Variants in ZNF438 observed in about 807,000 individuals in gnomAD.
ZNF438 encodes zinc finger protein 438.
ZNF438 carries 25 observed loss-of-function variants against 38.0 expected under a neutral mutation model. The observed-to-expected ratio is 0.66, with a 90% CI of 0.48 to 0.92. The LOEUF is 0.92. Ranked by LOEUF, ZNF438 falls within the 40% of genes least tolerant of loss-of-function variation. The pLI, the probability that ZNF438 is intolerant of heterozygous loss-of-function variation, is 0.00. For missense variants in ZNF438, 1,007 were observed against 999.6 expected, an observed-to-expected ratio of 1.01 and a Z score of -0.10; for synonymous variants, 372 against 364.1, an observed-to-expected ratio of 1.02 and a Z score of -0.25.
At chr10:31,022,231 T>C (rs1417221657) in intron 1 of ZNF438, among the ~76,000 whole-genome samples, 2 of 151,378 alleles carry the variant, frequency 1.3e-5, no homozygotes, top group African/African-American at 2.4e-5. Flanking sequence ...GGTGGCCTGC[T>C]GCCGCTCTGA....
At chr10:30,982,445 T>C (rs1176629253) in intron 1 of ZNF438, among the ~76,000 whole-genome samples, 1 of 152,258 alleles carries the variant, frequency 6.6e-6, no homozygotes, top group South Asian at 2.1e-4. Context: ...AGCACAATCA[T>C]GTTAAACAAC....
At chr10:30,937,522 C>T (rs1357262848) in intron 2 of ZNF438, among the ~76,000 whole-genome samples, 1 of 152,150 alleles carries the variant, frequency 6.6e-6, no homozygotes, top group African/African-American at 2.4e-5. Flanking sequence ...CATAACTTCA[C>T]TTACTATTAT....
chr10:30,896,721 G>A (rs975928256), intron 3 of ZNF438, among the ~76,000 whole-genome samples: 11 of 151,996 alleles, frequency 7.2e-5, no homozygotes, highest in South Asian at 2.1e-4. Flanking sequence ...ATGGGTATAC[G>A]GTTCCAGTTT....
Position 30,939,923 on chromosome 10 carries a change from A to G in ZNF438, c.-115+1652T>C, listed in dbSNP as rs78525137. 4.0e-3 allele frequency among the ~76,000 whole-genome samples: 604 copies of G among 152,334 alleles called. 4 individuals are homozygous for G. The highest frequency in any genetic ancestry group is 0.013 in the African/African-American group (561 of 41,576). The stretch of plus-strand genomic sequence containing the variant: ...TGAGAACCTAACCACTATTTATAAC[A>G]TTGTTTTTGTGGAAAAATATATTCT... On this transcript the variant is annotated intron_variant, in intron 2 of 5. Transcript: ENST00000413025.
At chr10:30,957,152 C>T (rs936325723) in intron 1 of ZNF438, among the ~76,000 whole-genome samples, 2 of 152,164 alleles carry the variant, frequency 1.3e-5, no homozygotes, top group Admixed American at 1.3e-4. Flanking sequence ...TGATGTTGAA[C>T]ATTTTTTCAT....
intron 1 of ZNF438, among the ~76,000 whole-genome samples, chr10:30,994,962 G>A (rs1471244794): frequency 6.6e-6 from 1 of 151,746 alleles, no homozygotes; most frequent in Non-Finnish European, 1.5e-5. Context: ...AGCCTGCAGT[G>A]AGGTAGAGCC....
intron 4 of ZNF438, among the ~76,000 whole-genome samples, chr10:30,855,688 A>T (rs1292745891): frequency 6.6e-6 from 1 of 152,260 alleles, no homozygotes; most frequent in Non-Finnish European, 1.5e-5. Context: ...TAATCATCCA[A>T]CCATACAATG....
At chr10:31,008,012 T>G (rs956816039) in intron 1 of ZNF438, among the ~76,000 whole-genome samples, 1 of 152,236 alleles carries the variant, frequency 6.6e-6, no homozygotes, top group Middle Eastern at 3.2e-3. Context: ...GCTAATTAAC[T>G]GATTCAGAAA....
At chr10:30,956,910 C>A (rs557314202) in intron 1 of ZNF438, among the ~76,000 whole-genome samples, 9 of 152,248 alleles carry the variant, frequency 5.9e-5, no homozygotes, top group African/African-American at 2.2e-4. Flanking sequence ...ATAAGCCGTA[C>A]AGTGAAACTG....
chr10:30,925,700 A>C (rs900352894), intron 2 of ZNF438, among the ~76,000 whole-genome samples: 1 of 152,154 alleles, frequency 6.6e-6, no homozygotes, highest in African/African-American at 2.4e-5. Flanking sequence ...ACTGAATGCC[A>C]ACTTCCAGGT....
Position 31,019,619 on chromosome 10 carries a change from C to T in ZNF438, c.-192+12214G>A, listed in dbSNP as rs550567709. 6.6e-5 allele frequency among the ~76,000 whole-genome samples: 10 copies of T among 152,296 alleles called. No individual in the cohort carries two copies. The South Asian group carries it at 2.1e-3, about 32-fold the overall frequency. On this transcript the variant is annotated intron_variant, in intron 1 of 5. Coordinates refer to ENST00000413025, the Ensembl canonical transcript of ZNF438. ...AACAACAACCAAAAGATAGAAAGTG[C>T]AACTGAAAATCTGACAAAAAGGCAG...
intron 1 of ZNF438, among the ~76,000 whole-genome samples, chr10:30,967,013 CAAAGAGATGTGCTATA>C: frequency 6.6e-6 from 1 of 152,254 alleles, no homozygotes; most frequent in South Asian, 2.1e-4. Flanking sequence ...TGACTGAGGA[CAAAGAGATGTGCTATA>C]AGCAGTAAGA....
Position 30,863,103 on chromosome 10 carries a change from G to GT in ZNF438, c.38-12737dup, listed in dbSNP as rs146091822. On this transcript the variant is annotated intron_variant, in intron 4 of 5. Coordinates refer to ENST00000413025, the Ensembl canonical transcript of ZNF438. ...TTTTATGTCAAATAGTTCATGATTTGTAAGTACAAATGCACAAGGGTGGAC... is the reference window on the plus strand; with the variant it reads ...TTTTATGTCAAATAGTTCATGATTTGTTAAGTACAAATGCACAAGGGTGGAC... 3.4e-3 allele frequency among the ~76,000 whole-genome samples: 515 copies of GT among 152,266 alleles called. 2 individuals are homozygous for GT. The highest frequency in any genetic ancestry group is 0.017 in the Middle Eastern group (5 of 294).
chr10:30,875,192 T>C (rs1014676006), intron 4 of ZNF438: 9 of 940,392 alleles, frequency 9.6e-6, no homozygotes, highest in Non-Finnish European at 1.1e-5. Context: ...TCCAAGCTTA[T>C]GTGATAGCCC....
intron 1 of ZNF438, among the ~76,000 whole-genome samples, chr10:31,016,299 T>C (rs2056192334): frequency 6.6e-6 from 1 of 152,138 alleles, no homozygotes; most frequent in Non-Finnish European, 1.5e-5. Flanking sequence ...AATTAGACAA[T>C]CTGAAAAATA....
At chr10:30,916,677 T>C (rs148125761) in intron 2 of ZNF438, among the ~76,000 whole-genome samples, 1 of 152,232 alleles carries the variant, frequency 6.6e-6, no homozygotes, top group African/African-American at 2.4e-5. Flanking sequence ...TTCATGAGAC[T>C]TATCCATGAT....
At chr10:31,005,612 T>C (rs2132932365) in intron 1 of ZNF438, among the ~76,000 whole-genome samples, 1 of 152,276 alleles carries the variant, frequency 6.6e-6, no homozygotes, top group South Asian at 2.1e-4. Flanking sequence ...TGGTTAATAC[T>C]GTACTGTATT....
chr10:31,005,268 CAT>C (rs1204401642), intron 1 of ZNF438, among the ~76,000 whole-genome samples: 7 of 152,156 alleles, frequency 4.6e-5, no homozygotes, highest in African/African-American at 1.2e-4. Flanking sequence ...TGTGTGTGTA[CAT>C]ATGTGTGTGT....
intron 5 of ZNF438, among the ~76,000 whole-genome samples, chr10:30,846,674 A>G (rs1198248434): frequency 6.6e-6 from 1 of 152,168 alleles, no homozygotes; most frequent in Admixed American, 6.5e-5. Flanking sequence ...GCTGTGACCC[A>G]GGCACCCCTG....
Sources: gnomAD v4.1 joint callset for allele counts (sites outside exome capture counted in the v4.1 genomes callset) on GRCh38, gnomAD v4.1.1 for gene constraint, MANE v1.5 for transcripts, NCBI Gene and HGNC (gene_info 2026-07-23, HGNC 2026-07-21) for gene names.